The following ALK variants were observed in gnomAD, a reference collection of about 807,000 sequenced individuals.
ALK encodes ALK tyrosine kinase receptor.
Under a neutral mutation model 163.1 loss-of-function variants are expected in ALK, and 74 were observed. The observed-to-expected ratio is 0.45, with a 90% CI of 0.38 to 0.55. The LOEUF is 0.55. ALK is among the 20% of genes least tolerant of loss of function. The pLI is 0.00. For synonymous variants in ALK, 960 were observed against 843.2 expected (o/e 1.14, Z -2.40); for missense variants, 2,063 against 2,105.3 (o/e 0.98, Z 0.39).
chr2:29,661,313 C>T (rs932019620), intron 3 of ALK, among the ~76,000 whole-genome samples: 16 of 152,072 alleles, frequency 1.1e-4, no homozygotes, highest in African/African-American at 3.6e-4. Flanking sequence ...CTCCTCTCTA[C>T]CTAGTTAGGG....
At chr2:29,403,577 T>A (rs535748291) in intron 4 of ALK, among the ~76,000 whole-genome samples, 2 of 151,570 alleles carry the variant, frequency 1.3e-5, no homozygotes, top group African/African-American at 4.8e-5. Flanking sequence ...ATTAAAACAA[T>A]TGGTGGGAGG....
intron 4 of ALK, among the ~76,000 whole-genome samples, chr2:29,425,669 G>C (rs1448046641): frequency 6.6e-6 from 1 of 152,176 alleles, no homozygotes; most frequent in African/African-American, 2.4e-5. Context: ...ACAATCTCTT[G>C]CTCCCTGCCT....
chr2:29,430,169 G>T (rs968732864), intron 4 of ALK, among the ~76,000 whole-genome samples: 3 of 152,014 alleles, frequency 2.0e-5, no homozygotes, highest in East Asian at 1.9e-4. Context: ...ACACAAAAAA[G>T]CATAAGCAGC....
rs774639115 is a variant in ALK, at chr2:29,383,754, A to G, written c.1260T>C (p.Phe420=). Residue 420 remains phenylalanine, a synonymous_variant, in exon 5 of 29, where the codon TTT becomes TTC. Coordinates refer to ENST00000389048, the MANE Select transcript of ALK (RefSeq NM_004304.5). Reference sequence around the variant, plus strand: ...TACCTTCACTGCAGTTCTTCAGGGCAAAGAAGTCCACTGCAGACAAGCTGC... The same window carrying G: ...TACCTTCACTGCAGTTCTTCAGGGCGAAGAAGTCCACTGCAGACAAGCTGC... ...GNRSLSAVDF[F]ALKNCSEGTS... 8 of 1,614,048 alleles carry G rather than the reference A, an allele frequency of 5.0e-6. No homozygotes were observed. Among genetic ancestry groups the G allele is most frequent in the African/African-American group, 1.3e-5 (1 of 74,938 alleles).
chr2:29,645,360 T>C lies in ALK; in HGVS notation c.952+49490A>G, dbSNP rs1676841640. On this transcript the variant is annotated intron_variant, in intron 3 of 28. Transcript: ENST00000389048. The stretch of plus-strand genomic sequence containing the variant: ...AAGTCAGAAAGTGTGTATTCAGTTG[T>C]TTTCAACAGGAAACAAACTTGGCTT... Among the ~76,000 whole-genome samples the C allele has an allele frequency of 2.6e-5, 4 of 152,142 alleles. No homozygotes were observed. The South Asian group carries it at 8.3e-4, about 31-fold the overall frequency.
At chr2:29,615,615 C>T (rs1006121251) in intron 3 of ALK, among the ~76,000 whole-genome samples, 5 of 152,102 alleles carry the variant, frequency 3.3e-5, no homozygotes, top group African/African-American at 9.7e-5. Context: ...TACTATTTGC[C>T]CTGTGCCCAC....
chr2:29,493,460 G>C (rs6547937), intron 4 of ALK, among the ~76,000 whole-genome samples: 67,518 of 152,080 alleles, frequency 0.44, 15,522 homozygotes, highest in East Asian at 0.69. Flanking sequence ...ATAACAAAAC[G>C]AGTCCTTGTT....
At chr2:29,728,514 T>C (rs1679638146) in intron 1 of ALK, among the ~76,000 whole-genome samples, 1 of 152,218 alleles carries the variant, frequency 6.6e-6, no homozygotes, top group Non-Finnish European at 1.5e-5. Flanking sequence ...CAAGTCCTTT[T>C]GACATCTTGA....
intron 2 of ALK, among the ~76,000 whole-genome samples, chr2:29,695,404 G>T (rs1326911448): frequency 6.6e-6 from 1 of 152,162 alleles, no homozygotes; most frequent in African/African-American, 2.4e-5. Context: ...TACCAGCCCG[G>T]TGACTCCAAG....
chr2:29,290,365 G>A (rs749115441), intron 9 of ALK, among the ~76,000 whole-genome samples: 36 of 152,348 alleles, frequency 2.4e-4, no homozygotes, highest in Non-Finnish European at 4.1e-4. Context: ...GTGAGGAGGC[G>A]CAGGAGCTGC....
At chr2:29,226,094 G>A (rs887859675) in intron 18 of ALK, among the ~76,000 whole-genome samples, 1 of 152,076 alleles carries the variant, frequency 6.6e-6, no homozygotes, top group Non-Finnish European at 1.5e-5. Flanking sequence ...GCAGAAGAGG[G>A]ACACTGGTGG....
chr2:29,391,056 G>A (rs574621319), intron 4 of ALK, among the ~76,000 whole-genome samples: 15 of 152,206 alleles, frequency 9.9e-5, no homozygotes, highest in African/African-American at 3.6e-4. Flanking sequence ...CTGTAGGGGG[G>A]GCCAAGGCAG....
At chr2:29,604,186 T>C (rs1675472924) in intron 3 of ALK, among the ~76,000 whole-genome samples, 1 of 146,070 alleles carries the variant, frequency 6.8e-6, no homozygotes, top group Non-Finnish European at 1.5e-5. Context: ...TTTTTTACAG[T>C]TTTTAACTGT....
At chr2:29,244,124 G>A (rs769647781) in intron 12 of ALK, among the ~76,000 whole-genome samples, 12 of 152,216 alleles carry the variant, frequency 7.9e-5, no homozygotes, top group Admixed American at 1.3e-4. Flanking sequence ...GGGATCTTGC[G>A]GGAGAGAGTG....
At chr2:29,197,751 A>G in intron 26 of ALK, 75 bp from the exon 27 acceptor site, 1 of 1,259,758 alleles carries the variant, frequency 7.9e-7, no homozygotes, top group East Asian at 2.3e-5. Flanking sequence ...ACAGGCACAC[A>G]GACATACAAT....
intron 11 of ALK, among the ~76,000 whole-genome samples, chr2:29,258,788 C>T (rs1475858677): frequency 6.6e-6 from 1 of 152,228 alleles, no homozygotes; most frequent in Non-Finnish European, 1.5e-5. Flanking sequence ...AATACTTCTT[C>T]TCCAGACCTG....
intron 7 of ALK, among the ~76,000 whole-genome samples, chr2:29,320,475 T>A (rs1009775596): frequency 6.6e-6 from 1 of 152,228 alleles, no homozygotes; most frequent in African/African-American, 2.4e-5. Flanking sequence ...TACTTGTTGA[T>A]GGAAAGGATT....
intron 1 of ALK, among the ~76,000 whole-genome samples, chr2:29,776,616 A>AATG (rs1169199432): frequency 3.9e-5 from 6 of 152,092 alleles, no homozygotes; most frequent in African/African-American, 1.4e-4. Flanking sequence ...CCCGGAGGCT[A>AATG]AGATATGGAT....
At chr2:29,707,331 A>G (rs1392874578) in intron 2 of ALK, among the ~76,000 whole-genome samples, 1 of 152,088 alleles carries the variant, frequency 6.6e-6, no homozygotes, top group Non-Finnish European at 1.5e-5. Context: ...CAAACACAGG[A>G]AGGTACCAGA....
Sources: allele counts gnomAD v4.1 joint callset (sites outside exome capture counted in the v4.1 genomes callset), GRCh38; gene constraint gnomAD v4.1.1; transcripts MANE v1.5; gene names NCBI Gene and HGNC (gene_info 2026-07-23, HGNC 2026-07-21).